Variants in NCAM2 observed in about 807,000 individuals in gnomAD.
NCAM2 encodes the protein N-CAM-2.
In NCAM2, 30 loss-of-function variants were observed where a neutral mutation model predicts 98.1. The observed-to-expected ratio is 0.31, with a 90% confidence interval of 0.23 to 0.41. NCAM2 has a LOEUF of 0.41. NCAM2 is among the 10% of genes least tolerant of loss of function. NCAM2 has a pLI of 1.00. For missense variants in NCAM2, 867 were observed against 1,005.8 expected, an observed-to-expected ratio of 0.86 and a Z score of 1.87; for synonymous variants, 368 against 342.4, an observed-to-expected ratio of 1.07 and a Z score of -0.83.
chr21:21,324,291 A>C (rs1239533513), intron 5 of NCAM2, 92 bp from the exon 6 acceptor site: 1 of 856,458 alleles, frequency 1.2e-6, no homozygotes, highest in Non-Finnish European at 1.8e-6. Context: ...GAAGGATGAC[A>C]TTTGAAAGCT....
intron 1 of NCAM2, among the ~76,000 whole-genome samples, chr21:21,126,236 T>TAAGAA (rs1555887828): frequency 1.0e-5 from 1 of 97,564 alleles, no homozygotes; most frequent in Non-Finnish European, 1.9e-5. Flanking sequence ...TCATGGAACA[T>TAAGAA]AAAAAAAAAA....
At position 21,161,709 on chromosome 21, in the gene NCAM2, G is replaced by GTA. The variant is rs981730168; in HGVS notation, c.56-118861_56-118860dup. Among the ~76,000 whole-genome samples the GTA allele has an allele frequency of 2.7e-3, 417 of 151,932 alleles. 2 individuals are homozygous for GTA. Among genetic ancestry groups the GTA allele is most frequent in the African/African-American group, 9.5e-3 (395 of 41,460 alleles). ...ATATACATGTGATATATCCATATATGTATATATATCTATTAGTGTTACTGG... is the reference window on the plus strand; with the variant it reads ...ATATACATGTGATATATCCATATATGTATATATATATCTATTAGTGTTACTGG... On this transcript the variant is annotated intron_variant, in intron 1 of 17. Coordinates refer to ENST00000400546, the MANE Select transcript of NCAM2 (RefSeq NM_004540.5).
rs569198555 is a variant in NCAM2, at chr21:21,135,800, C to T, written c.55+137182C>T. On this transcript the variant is annotated intron_variant, in intron 1 of 17. Transcript: ENST00000400546. ...GGACTCCAAGTTCATTAAGTATATA[C>T]ATTTTTCTTCCAAGTTATTACAGGT... 3.1e-4 allele frequency among the ~76,000 whole-genome samples: 47 copies of T among 152,254 alleles called. 1 individual carries two copies. Among genetic ancestry groups the T allele is most frequent in the African/African-American group, 9.6e-4 (40 of 41,544 alleles).
At chr21:21,458,493 T>C (rs1300819761) in intron 12 of NCAM2, among the ~76,000 whole-genome samples, 1 of 152,128 alleles carries the variant, frequency 6.6e-6, no homozygotes, top group East Asian at 1.9e-4. Context: ...AGCAAATCAA[T>C]GGGAGTGGAG....
At chr21:21,238,817 C>T (rs1333422261) in intron 1 of NCAM2, among the ~76,000 whole-genome samples, 2 of 152,184 alleles carry the variant, frequency 1.3e-5, no homozygotes, top group African/African-American at 2.4e-5. Flanking sequence ...GAGTTGTTTA[C>T]GTCAATTTCC....
At chr21:21,050,964 A>G (rs1213533824) in intron 1 of NCAM2, among the ~76,000 whole-genome samples, 2 of 152,196 alleles carry the variant, frequency 1.3e-5, no homozygotes, top group African/African-American at 2.4e-5. Context: ...CCTCTTATCA[A>G]GATACTTTAA....
In NCAM2 at chr21:21,466,637, T is replaced by C; in HGVS notation, c.1686T>C (p.Asn562=). The stretch of plus-strand genomic sequence containing the variant: ...TTGTTTTGAACAACCTGGAACCAAA[T>C]ACAACTTATGAAATCAGGGTTGCAG... ...TMVVLNNLEP[N]TTYEIRVAAV... is the part of the protein sequence containing the mutation. The change falls in exon 13 of 18, where the codon AAT becomes AAC. Residue 562 remains asparagine, a synonymous_variant. Transcript: ENST00000400546. 1.2e-6 allele frequency: 2 copies of C among 1,607,768 alleles called. No individual in the cohort carries two copies. The highest frequency in any genetic ancestry group is 1.7e-6 in the Non-Finnish European group (2 of 1,176,392).
intron 12 of NCAM2, among the ~76,000 whole-genome samples, chr21:21,447,591 A>G (rs1048843244): frequency 1.3e-5 from 2 of 152,174 alleles, no homozygotes; most frequent in Non-Finnish European, 2.9e-5. Flanking sequence ...ATAAACTATC[A>G]TCAGAGTGAA....
chr21:21,484,808 C>A (rs1171934112), intron 15 of NCAM2, among the ~76,000 whole-genome samples: 3 of 152,148 alleles, frequency 2.0e-5, no homozygotes, highest in Non-Finnish European at 4.4e-5. Context: ...GCTACCAGTT[C>A]ACTGCATAAC....
chr21:21,332,333 G>C (rs1306626314), intron 6 of NCAM2, among the ~76,000 whole-genome samples: 3 of 152,048 alleles, frequency 2.0e-5, no homozygotes, highest in African/African-American at 7.2e-5. Context: ...ATTTGAGGGA[G>C]AGCTTCCATT....
chr21:21,022,374 A>G (rs2064455816), intron 1 of NCAM2, among the ~76,000 whole-genome samples: 1 of 152,004 alleles, frequency 6.6e-6, no homozygotes, highest in Non-Finnish European at 1.5e-5. Context: ...TAATAGTCAA[A>G]CTCCTAGAAG....
At chr21:21,307,484 C>T (rs888671983) in intron 5 of NCAM2, among the ~76,000 whole-genome samples, 3 of 152,128 alleles carry the variant, frequency 2.0e-5, no homozygotes, top group Non-Finnish European at 4.4e-5. Context: ...ATAATTAGGT[C>T]AGAAGTCCAC....
chr21:21,410,078 A>C (rs1212223024), intron 9 of NCAM2, among the ~76,000 whole-genome samples, 196 bp from the exon 10 acceptor site: 2 of 152,086 alleles, frequency 1.3e-5, no homozygotes, highest in African/African-American at 2.4e-5. Context: ...GCTTGCAGTG[A>C]GCGGAGATTG....
intron 15 of NCAM2, among the ~76,000 whole-genome samples, chr21:21,503,677 T>C (rs1315648743): frequency 6.6e-6 from 1 of 151,958 alleles, no homozygotes; most frequent in African/African-American, 2.4e-5. Context: ...TCTCATACTT[T>C]AATACTTTGA....
intron 1 of NCAM2, among the ~76,000 whole-genome samples, chr21:21,070,906 T>A (rs747294805): frequency 6.6e-6 from 1 of 152,096 alleles, no homozygotes; most frequent in Non-Finnish European, 1.5e-5. Context: ...TGAAGAAAAA[T>A]TAATAATTTG....
intron 1 of NCAM2, among the ~76,000 whole-genome samples, chr21:21,045,669 C>A (rs181732542): frequency 2.5e-3 from 385 of 152,110 alleles, no homozygotes; most frequent in Non-Finnish European, 4.5e-3. Flanking sequence ...AAAAAAGGAA[C>A]CAGATGTTAG....
At chr21:21,503,671 A>G (rs371511566) in intron 15 of NCAM2, among the ~76,000 whole-genome samples, 1 of 151,962 alleles carries the variant, frequency 6.6e-6, no homozygotes, top group South Asian at 2.1e-4. Flanking sequence ...TTGGATTCTC[A>G]TACTTTAATA....
At chr21:21,485,656 A>G (rs1986285960) in intron 15 of NCAM2, among the ~76,000 whole-genome samples, 2 of 152,178 alleles carry the variant, frequency 1.3e-5, no homozygotes, top group Admixed American at 1.3e-4. Context: ...TTCACTTGCA[A>G]CCACATCTTA....
At position 20,998,429 on chromosome 21, in the gene NCAM2, C is replaced by G; in HGVS notation, c.-135C>G. The G allele has an allele frequency of 1.4e-6, 1 of 710,904 alleles. No homozygotes were observed. Among genetic ancestry groups the G allele is most frequent in the Non-Finnish European group, 2.3e-6 (1 of 441,172 alleles). 44.0% of individuals were successfully genotyped at this position (710,904 alleles called of 1,614,324 possible). ...CAGTCACTTTGCGAGGAGGAGCGCG[C>G]GGGCTGCGGGCGGCTGGGGCACCGC... On this transcript the variant is annotated 5_prime_UTR_variant, in exon 1 of 18. Coordinates refer to ENST00000400546, the MANE Select transcript of NCAM2 (RefSeq NM_004540.5).
Sources: allele counts gnomAD v4.1 joint callset (sites outside exome capture counted in the v4.1 genomes callset), GRCh38; gene constraint gnomAD v4.1.1; transcripts MANE v1.5; gene names NCBI Gene and HGNC (gene_info 2026-07-23, HGNC 2026-07-21).